The following HIVEP2 variants were observed in gnomAD, a reference collection of about 807,000 sequenced individuals.
HIVEP2 encodes the protein HIVEP zinc finger 2, also known as transcription factor HIVEP2.
HIVEP2 carries 14 observed loss-of-function variants against 180.7 expected under a neutral mutation model. That is an observed-to-expected ratio of 0.08 (90% confidence interval 0.05 to 0.12). The LOEUF (loss-of-function observed/expected upper bound fraction) is 0.12. Among genes scored for constraint, HIVEP2 ranks in the 10% least tolerant of loss-of-function variants. HIVEP2 has a pLI of 1.00. For synonymous variants in HIVEP2, 1,184 were observed against 1,136.4 expected (o/e 1.04, Z -0.84); for missense variants, 2,579 against 3,008.5 (o/e 0.86, Z 3.34).
intron 2 of HIVEP2, among the ~76,000 whole-genome samples, chr6:142,792,918 A>G (rs998219859): frequency 1.3e-5 from 2 of 152,138 alleles, no homozygotes; most frequent in Non-Finnish European, 2.9e-5. Context: ...AAAGAAACTG[A>G]GGAGTCCCTT....
intron 1 of HIVEP2, among the ~76,000 whole-genome samples, chr6:142,877,380 A>T (rs1292029753): frequency 6.6e-6 from 1 of 152,234 alleles, no homozygotes; most frequent in Non-Finnish European, 1.5e-5. Context: ...TATGGCCACA[A>T]TATAAATCAG....
At chr6:142,846,084 C>A (rs1004640358) in intron 1 of HIVEP2, among the ~76,000 whole-genome samples, 7 of 152,194 alleles carry the variant, frequency 4.6e-5, no homozygotes, top group Non-Finnish European at 8.8e-5. Context: ...ACAGCCTGCA[C>A]CACACATCAA....
Position 142,770,267 on chromosome 6 carries a change from T to C in HIVEP2, c.4472A>G (p.Gln1491Arg), listed in dbSNP as rs1256197877. The change falls in exon 5 of 10, where the codon CAG (glutamine) becomes CGG (arginine). Residue 1491 changes from glutamine to arginine, a missense_variant. By Grantham distance (43) the Gln-to-Arg change is conservative. Transcript: ENST00000367603. The surrounding 1 kb of genome is among the most constrained non-coding windows in gnomAD (Gnocchi z 4.7). ...TCCTTGTCGAACCAGCTGGGGTTTC[T>C]GGGGGCGGGAGAGGTCCTTTTTGAT... is the stretch of plus-strand genomic sequence containing the variant. ...SDIKKDLSRP[Q>R]KPQLVRQGCA... 2 of 1,614,098 alleles carry C rather than the reference T, an allele frequency of 1.2e-6. No individual in the cohort carries two copies. Among genetic ancestry groups the C allele is most frequent in the African/African-American group, 2.7e-5 (2 of 74,942 alleles).
chr6:142,854,502 G>A (rs568300927), intron 1 of HIVEP2, among the ~76,000 whole-genome samples: 3 of 152,224 alleles, frequency 2.0e-5, no homozygotes, highest in Admixed American at 6.5e-5. Context: ...CCTAAAGATC[G>A]TGCTCAACCA....
At chr6:142,826,313 C>T (rs1399366599) in intron 2 of HIVEP2, among the ~76,000 whole-genome samples, 1 of 152,148 alleles carries the variant, frequency 6.6e-6, no homozygotes, top group Non-Finnish European at 1.5e-5. Flanking sequence ...TGGGAAGGGA[C>T]ATATCACTAC....
At chr6:142,779,356 A>C (rs1775783616) in intron 3 of HIVEP2, among the ~76,000 whole-genome samples, 1 of 152,204 alleles carries the variant, frequency 6.6e-6, no homozygotes, top group Admixed American at 6.5e-5. Flanking sequence ...ATGGTGGCTC[A>C]TGCCTGTAAT....
At chr6:142,926,259 C>T (rs1462704961) in intron 1 of HIVEP2, among the ~76,000 whole-genome samples, 1 of 152,150 alleles carries the variant, frequency 6.6e-6, no homozygotes, top group Admixed American at 6.5e-5. Context: ...AAATCCAGGG[C>T]TTTGACACTG....
chr6:142,849,425 T>C (rs942340186), intron 1 of HIVEP2, among the ~76,000 whole-genome samples: 6 of 152,200 alleles, frequency 3.9e-5, no homozygotes, highest in Non-Finnish European at 7.4e-5. Flanking sequence ...TTTGGATACA[T>C]AGATGTAGAA....
chr6:142,945,597 G>A (rs955476139), upstream of HIVEP2, among the ~76,000 whole-genome samples: 48 of 152,332 alleles, frequency 3.2e-4, no homozygotes, highest in African/African-American at 1.1e-3. The surrounding 1 kb of genome is among the most constrained non-coding windows in gnomAD (Gnocchi z 5.5). Context: ...GAGACGTGGA[G>A]GAACGCTGTG....
intron 1 of HIVEP2, among the ~76,000 whole-genome samples, chr6:142,845,428 T>A (rs773822453): frequency 6.6e-6 from 1 of 152,164 alleles, no homozygotes; most frequent in East Asian, 1.9e-4. Context: ...CTCTTCAAAG[T>A]GTGTGTGTGT....
At chr6:142,841,495 C>A (rs1775361891) in intron 1 of HIVEP2, among the ~76,000 whole-genome samples, 1 of 152,040 alleles carries the variant, frequency 6.6e-6, no homozygotes, top group South Asian at 2.1e-4. Context: ...ATGTTCAAAT[C>A]CATGGTAGAG....
At chr6:142,787,724 T>C (rs1216981686) in intron 2 of HIVEP2, among the ~76,000 whole-genome samples, 1 of 152,098 alleles carries the variant, frequency 6.6e-6, no homozygotes. Flanking sequence ...ATGATGACTA[T>C]AAGCTTAGAT....
In HIVEP2 at chr6:142,760,302, T is replaced by G; in HGVS notation, c.5986A>C (p.Thr1996Pro). The change falls in exon 9 of 10, where the codon ACA becomes CCA. Residue 1996 changes from threonine to proline, a missense_variant. Around this residue, in one of 11 missense-constraint regions of HIVEP2, gnomAD observed 660 missense variants for 731.7 expected, o/e 0.90. Transcript: ENST00000367603. ...CTCTGGAATAGCCTCTGGTATTCTG[T>G]CATCTGGGTATCTTCACATGAATCA... ...PSDSCEDTQM[T>P]EYQRLFQSKS... is the part of the protein sequence containing the mutation. The G allele has an allele frequency of 6.2e-7, 1 of 1,614,162 alleles. No individual in the cohort carries two copies. The highest frequency in any genetic ancestry group is 8.5e-7 in the Non-Finnish European group (1 of 1,179,982).
chr6:142,774,498 C>T lies in HIVEP2; in HGVS notation c.241G>A (p.Glu81Lys), dbSNP rs1305385400. Reference protein sequence around the residue: ...SPSEVVQQVAEKQYPPHRPSP... With the variant: ...SPSEVVQQVAKKQYPPHRPSP... Reference sequence around the variant, plus strand: ...GGACGATGCGGTGGATATTGCTTCTCTGCGACTTGCTGCACCACTTCACTA... The same window carrying T: ...GGACGATGCGGTGGATATTGCTTCTTTGCGACTTGCTGCACCACTTCACTA... The change falls in exon 5 of 10, where the codon GAG (glutamate) becomes AAG (lysine). Residue 81 changes from glutamate (E) to lysine (K), a missense_variant. Transcript: ENST00000367603. This position sits in a 1 kb window ranked among gnomAD's most constrained non-coding sequence, Gnocchi z 5.1. 1 of 1,614,156 alleles carries T rather than the reference C, an allele frequency of 6.2e-7. No homozygotes were observed.
chr6:142,771,183 G>C lies in HIVEP2; in HGVS notation c.3556C>G (p.Gln1186Glu). The C allele has an allele frequency of 6.2e-7, 1 of 1,614,214 alleles. No homozygotes were observed. Among genetic ancestry groups the C allele is most frequent in the Non-Finnish European group, 8.5e-7 (1 of 1,180,038 alleles). The change falls in exon 5 of 10, where the codon CAG becomes GAG. Residue 1186 changes from glutamine (Q) to glutamate (E), a missense_variant. By Grantham distance (29) the Gln-to-Glu change is conservative. Transcript: ENST00000367603. The surrounding 1 kb of genome is among the most constrained non-coding windows in gnomAD (Gnocchi z 5.4). ...TCTTGATGTGGAAATAAGTGTGGCT[G>C]TTCAGGTAAGTGCTTGCTTGTCATA... ...SYMTSKHLPE[Q>E]PHLFPHQETI... is the part of the protein sequence containing the mutation.
intron 1 of HIVEP2, among the ~76,000 whole-genome samples, chr6:142,872,377 C>T (rs947825920): frequency 3.3e-5 from 5 of 152,122 alleles, no homozygotes; most frequent in African/African-American, 1.2e-4. Flanking sequence ...ACAGTTATGT[C>T]CAACAAAGAA....
intron 8 of HIVEP2, 55 bp downstream of exon 8, chr6:142,761,408 CA>C (rs1431541134): frequency 1.2e-6 from 1 of 815,970 alleles, no homozygotes; most frequent in Non-Finnish European, 2.1e-6. Context: ...ACCTCAGCCA[CA>C]GAGCTCCACT....
chr6:142,824,672 T>TCGTAGC (rs1474130904), intron 2 of HIVEP2, among the ~76,000 whole-genome samples: 3 of 152,166 alleles, frequency 2.0e-5, no homozygotes, highest in Admixed American at 6.5e-5. Context: ...GCCTAATACC[T>TCGTAGC]CGTAGCCGTG....
chr6:142,904,171 T>C (rs1357216521), intron 1 of HIVEP2, among the ~76,000 whole-genome samples: 1 of 152,190 alleles, frequency 6.6e-6, no homozygotes, highest in Non-Finnish European at 1.5e-5. Flanking sequence ...ATTTGGCAAG[T>C]ACCTCCAAAT....
Sources: allele counts gnomAD v4.1 joint callset (sites outside exome capture counted in the v4.1 genomes callset), GRCh38; gene constraint gnomAD v4.1.1; regional missense constraint gnomAD v4.1.1; non-coding constraint Gnocchi (gnomAD v3.1); transcripts MANE v1.5; gene names NCBI Gene and HGNC (gene_info 2026-07-23, HGNC 2026-07-21).